The following SORL1 variants were observed in gnomAD, a reference collection of about 807,000 sequenced individuals.
The protein encoded by SORL1 is sortilin related receptor 1, also known as sortilin-related receptor.
Under a neutral mutation model 273.7 loss-of-function variants are expected in SORL1, and 127 were observed. That is an observed-to-expected ratio of 0.46 (90% CI 0.40 to 0.54). The LOEUF (loss-of-function observed/expected upper bound fraction) is 0.54. Among genes scored for constraint, SORL1 ranks in the 20% least tolerant of loss-of-function variants. The probability of loss-of-function intolerance (pLI) is 0.00; values close to 1 mark genes in which losing one functional copy is unlikely to be tolerated. For synonymous variants in SORL1, 1,031 were observed against 1,067.4 expected (o/e 0.97, Z 0.66); for missense variants, 2,494 against 2,846.1 (o/e 0.88, Z 2.81).
intron 41 of SORL1, among the ~76,000 whole-genome samples, chr11:121,618,056 C>G (rs1344540575): frequency 2.0e-5 from 3 of 152,144 alleles, no homozygotes; most frequent in Non-Finnish European, 2.9e-5. Flanking sequence ...GATCTGTATT[C>G]CAGGCGACCA....
chr11:121,620,852 C>T (rs1262932712), intron 43 of SORL1, among the ~76,000 whole-genome samples: 1 of 152,182 alleles, frequency 6.6e-6, no homozygotes. Context: ...TAGTTGATAA[C>T]TCTATGTGCA....
intron 6 of SORL1, among the ~76,000 whole-genome samples, chr11:121,504,704 G>T (rs576371814): frequency 4.9e-4 from 75 of 152,086 alleles, no homozygotes; most frequent in Non-Finnish European, 7.4e-4. Flanking sequence ...TTGCCCAACT[G>T]CCTTGGGTAG....
chr11:121,585,286 T>A (rs1228939434), intron 26 of SORL1, among the ~76,000 whole-genome samples: 5 of 151,920 alleles, frequency 3.3e-5, no homozygotes, highest in Non-Finnish European at 7.4e-5. Context: ...GAATTTGAGA[T>A]CAGCCTGGGC....
At chr11:121,524,312 G>C (rs1271998159) in intron 11 of SORL1, among the ~76,000 whole-genome samples, 2 of 152,240 alleles carry the variant, frequency 1.3e-5, no homozygotes. Flanking sequence ...ATCTGCAAGT[G>C]ATTTCCTTCT....
intron 41 of SORL1, among the ~76,000 whole-genome samples, chr11:121,618,572 A>G (rs1402601724): frequency 6.6e-6 from 1 of 152,196 alleles, no homozygotes; most frequent in Non-Finnish European, 1.5e-5. Flanking sequence ...CAGAGACCAC[A>G]TCATATTTAT....
chr11:121,577,938 T>A (rs1862960525), intron 25 of SORL1, among the ~76,000 whole-genome samples: 1 of 152,068 alleles, frequency 6.6e-6, no homozygotes, highest in Non-Finnish European at 1.5e-5. Flanking sequence ...TATGAATGAG[T>A]GGATGAATGG....
intron 36 of SORL1, 77 bp from the exon 37 acceptor site, chr11:121,607,109 C>T: frequency 4.6e-6 from 5 of 1,081,236 alleles, no homozygotes; most frequent in South Asian, 2.6e-5. Flanking sequence ...TTTCTCTCCT[C>T]CAGCCTCCTT....
chr11:121,564,838 G>T (rs1378002446), intron 21 of SORL1, among the ~76,000 whole-genome samples: 1 of 152,058 alleles, frequency 6.6e-6, no homozygotes, highest in African/African-American at 2.4e-5. Flanking sequence ...CTCCCAAACT[G>T]CTGGGATTAC....
chr11:121,498,221 A>C (rs1861658987), intron 6 of SORL1, among the ~76,000 whole-genome samples: 1 of 152,184 alleles, frequency 6.6e-6, no homozygotes. Context: ...ACATGCACAA[A>C]TATGTACAGC....
intron 26 of SORL1, among the ~76,000 whole-genome samples, chr11:121,585,539 T>A (rs929058680): frequency 5.0e-4 from 51 of 102,524 alleles, no homozygotes; most frequent in South Asian, 4.2e-4. Flanking sequence ...ACACACACAC[T>A]TATCAAAATG....
At position 121,568,080 on chromosome 11, in the gene SORL1, T is replaced by C. The variant is rs560959681; in HGVS notation, c.3223+967T>C. Among the ~76,000 whole-genome samples, 45 of 152,112 alleles carry C rather than the reference T, an allele frequency of 3.0e-4. 2 individuals are homozygous for C. In the South Asian group the frequency reaches 8.5e-3, roughly 29 times the overall value. On this transcript the variant is annotated intron_variant, in intron 22 of 47. Coordinates refer to ENST00000260197, the MANE Select transcript of SORL1 (RefSeq NM_003105.6). ...GCTAATTTCTTTTATAGGGACGAGG[T>C]CTCACTTTGTTGCCCAGTCTGGTCT...
rs144784010 is a variant in SORL1, at chr11:121,604,311, A to G, written c.4638A>G (p.Glu1546=). Residue 1546 remains glutamate (E), a synonymous_variant, in exon 33 of 48, where the codon GAA becomes GAG. Coordinates refer to ENST00000260197, the MANE Select transcript of SORL1 (RefSeq NM_003105.6). ...TGGACTGCTCGGACGAGAGCGATGA[A>G]AAGGCCTGCAGTGGTGAGTGCCGGT... is the stretch of plus-strand genomic sequence containing the variant. ...GFLDCSDESD[E]KACSDELTVY... 3.1e-6 allele frequency: 5 copies of G among 1,613,698 alleles called. No individual in the cohort carries two copies. In the African/African-American group the frequency reaches 6.7e-5, roughly 22 times the overall value.
At chr11:121,620,680 T>A (rs1863710842) in intron 43 of SORL1, among the ~76,000 whole-genome samples, 1 of 152,196 alleles carries the variant, frequency 6.6e-6, no homozygotes, top group Non-Finnish European at 1.5e-5. Context: ...AGAGCCAGGA[T>A]TGAACACTTT....
In SORL1 at chr11:121,589,363, G is replaced by A. The variant is rs745345069; in HGVS notation, c.4051G>A (p.Gly1351Ser). ...IWKCDGMDDC[G>S]DYSDEANCEN... ...GAAGTGCGACGGGATGGATGATTGC[G>A]GCGATTATTCTGATGAAGCCAACTG... Residue 1351 changes from glycine to serine, a missense_variant, in exon 29 of 48, where the codon GGC becomes AGC. Transcript: ENST00000260197. 19 of 1,613,612 alleles carry A rather than the reference G, an allele frequency of 1.2e-5. No individual in the cohort carries two copies. Among genetic ancestry groups the A allele is most frequent in the East Asian group, 6.7e-5 (3 of 44,886 alleles).
At position 121,522,967 on chromosome 11, in the gene SORL1, G is replaced by A; in HGVS notation, c.1574G>A (p.Ser525Asn). ...AAGACAAACGTGTACATCTCTAGCAGTGCTGGAGCCAGGTGGCGAGAGGTC... is the reference window on the plus strand; with the variant it reads ...AAGACAAACGTGTACATCTCTAGCAATGCTGGAGCCAGGTGGCGAGAGGTC... ...ASKTNVYISS[S>N]AGARWREALP... Residue 525 changes from serine to asparagine, a missense_variant, in exon 11 of 48, where the codon AGT (serine) becomes AAT (asparagine). Physicochemically the swap from Ser to Asn is conservative, Grantham distance 46. This residue lies in a region of SORL1 where 710 missense variants were observed against 882.5 expected (regional missense o/e 0.80). Transcript: ENST00000260197. 6.2e-7 allele frequency: 1 copy of A among 1,613,250 alleles called. No homozygotes were observed. Among genetic ancestry groups the A allele is most frequent in the Non-Finnish European group, 8.5e-7 (1 of 1,179,174 alleles).
intron 2 of SORL1, among the ~76,000 whole-genome samples, chr11:121,477,113 C>T (rs1250096260): frequency 6.6e-6 from 1 of 152,072 alleles, no homozygotes; most frequent in Non-Finnish European, 1.5e-5. Context: ...TAATGCTCAT[C>T]CTAATCCCCT....
chr11:121,604,325 G>A lies in SORL1; in HGVS notation c.4651+1G>A. The A allele has an allele frequency of 1.2e-6, 2 of 1,612,688 alleles. No homozygotes were observed. The highest frequency in any genetic ancestry group is 1.7e-6 in the Non-Finnish European group (2 of 1,179,530). The stretch of plus-strand genomic sequence containing the variant: ...GAGAGCGATGAAAAGGCCTGCAGTG[G>A]TGAGTGCCGGTCCACGGGCTGGGCT... On this transcript the variant is annotated splice_donor_variant, in intron 33 of 47. Transcript: ENST00000260197. LOFTEE classifies it high-confidence loss of function.
At chr11:121,580,245 C>T (rs1355567080) in intron 25 of SORL1, among the ~76,000 whole-genome samples, 1 of 152,188 alleles carries the variant, frequency 6.6e-6, no homozygotes, top group Non-Finnish European at 1.5e-5. Context: ...CTGGTCTTGT[C>T]TTCAGCAGTT....
At chr11:121,505,000 G>A (rs547808785) in intron 6 of SORL1, among the ~76,000 whole-genome samples, 1 of 152,130 alleles carries the variant, frequency 6.6e-6, no homozygotes, top group Admixed American at 6.5e-5. Flanking sequence ...ATATTACACT[G>A]ATGGATCTTT....
Sources: gnomAD v4.1 joint callset for allele counts (sites outside exome capture counted in the v4.1 genomes callset) on GRCh38, gnomAD v4.1.1 for gene constraint, gnomAD v4.1.1 regional missense constraint, MANE v1.5 for transcripts, NCBI Gene and HGNC (gene_info 2026-07-23, HGNC 2026-07-21) for gene names.